CARMIL1: variants seen among roughly 807,000 people sequenced by gnomAD.
CARMIL1 encodes the protein F-actin-uncapping protein LRRC16A.
Under a neutral mutation model 177.1 loss-of-function variants are expected in CARMIL1, and 90 were observed. That is an observed-to-expected ratio of 0.51 (90% CI 0.43 to 0.61). The LOEUF (loss-of-function observed/expected upper bound fraction) is 0.61, where lower values mean the gene tolerates loss of function less well. Among genes scored for constraint, CARMIL1 ranks in the 20% least tolerant of loss-of-function variants. The pLI, the probability that CARMIL1 is intolerant of heterozygous loss-of-function variation, is 0.00. For missense variants in CARMIL1, 1,380 were observed against 1,667.0 expected, an observed-to-expected ratio of 0.83 and a Z score of 3.00; for synonymous variants, 577 against 606.2, an observed-to-expected ratio of 0.95 and a Z score of 0.71.
intron 2 of CARMIL1, among the ~76,000 whole-genome samples, chr6:25,332,346 G>C (rs1243827288): frequency 6.6e-6 from 1 of 152,118 alleles, no homozygotes; most frequent in East Asian, 1.9e-4. Flanking sequence ...GAATAAGATG[G>C]GTAGGCAAAA....
At chr6:25,453,664 A>G (rs1799213543) in intron 8 of CARMIL1, among the ~76,000 whole-genome samples, 2 of 152,226 alleles carry the variant, frequency 1.3e-5, no homozygotes, top group African/African-American at 4.8e-5. Context: ...GCTTGTGCTC[A>G]GGTGCTAGCA....
At chr6:25,548,397 G>A (rs1809734854) in intron 26 of CARMIL1, among the ~76,000 whole-genome samples, 1 of 152,088 alleles carries the variant, frequency 6.6e-6, no homozygotes, top group Non-Finnish European at 1.5e-5. Flanking sequence ...AGTGGGGAGG[G>A]GAGGACAATA....
Position 25,604,912 on chromosome 6 carries a change from A to G in CARMIL1, c.3634+19A>G, listed in dbSNP as rs773289704. ...GGGGCAGGTAAGTCAGGCCATTGCC[A>G]TCACCCCCTTAGGAAAAGCGCTTAC... On this transcript the variant is annotated intron_variant, in intron 34 of 36. Coordinates refer to ENST00000329474, the MANE Select transcript of CARMIL1 (RefSeq NM_017640.6). 1.3e-6 allele frequency: 2 copies of G among 1,570,404 alleles called. No homozygotes were observed. Among genetic ancestry groups the G allele is most frequent in the Non-Finnish European group, 1.7e-6 (2 of 1,157,470 alleles).
chr6:25,490,742 TAAATAAATAAAAAA>T, intron 13 of CARMIL1, among the ~76,000 whole-genome samples: 1 of 126,834 alleles, frequency 7.9e-6, no homozygotes, highest in East Asian at 2.0e-4. Flanking sequence ...AATAAATAAA[TAAATAAATAAAAAA>T]AAATAAATGT....
chr6:25,603,954 AAAT>A (rs1815681630), intron 33 of CARMIL1, among the ~76,000 whole-genome samples: 1 of 152,078 alleles, frequency 6.6e-6, no homozygotes, highest in Admixed American at 6.5e-5. Context: ...TTTACCTCCT[AAAT>A]AATAGATCTG....
intron 35 of CARMIL1, among the ~76,000 whole-genome samples, chr6:25,607,258 CAT>C (rs957928471): frequency 1.3e-5 from 2 of 151,322 alleles, no homozygotes; most frequent in African/African-American, 4.9e-5. Flanking sequence ...AATTTTCAAA[CAT>C]ATACAAAAGT....
At chr6:25,310,664 A>C (rs1267210323) in intron 2 of CARMIL1, among the ~76,000 whole-genome samples, 1 of 152,214 alleles carries the variant, frequency 6.6e-6, no homozygotes, top group Non-Finnish European at 1.5e-5. Flanking sequence ...TGGAGCTTTA[A>C]ATATGGTTCC....
intron 5 of CARMIL1, among the ~76,000 whole-genome samples, chr6:25,448,386 A>T (rs879739968): frequency 6.6e-6 from 1 of 152,102 alleles, no homozygotes; most frequent in Non-Finnish European, 1.5e-5. Flanking sequence ...ATTTTGAACT[A>T]GATTGAATTT....
chr6:25,539,612 C>T (rs565386351), intron 25 of CARMIL1, among the ~76,000 whole-genome samples: 15 of 101,784 alleles, frequency 1.5e-4, no homozygotes, highest in African/African-American at 5.3e-4. Flanking sequence ...GCAACAAGAG[C>T]GAAACTCCAT....
chr6:25,347,392 A>G (rs1012833046), intron 2 of CARMIL1, among the ~76,000 whole-genome samples: 5 of 152,220 alleles, frequency 3.3e-5, no homozygotes, highest in African/African-American at 1.2e-4. Flanking sequence ...GCATGTAACT[A>G]TAAAGCAAAG....
chr6:25,347,911 A>G (rs1787696022), intron 2 of CARMIL1, among the ~76,000 whole-genome samples: 1 of 152,192 alleles, frequency 6.6e-6, no homozygotes, highest in Non-Finnish European at 1.5e-5. Flanking sequence ...TCAAACTTAC[A>G]TGGATAGAGA....
At chr6:25,543,596 G>A (rs932749087) in intron 26 of CARMIL1, among the ~76,000 whole-genome samples, 8 of 152,078 alleles carry the variant, frequency 5.3e-5, no homozygotes, top group African/African-American at 1.9e-4. Context: ...GGGTATTTGT[G>A]TTGGCCTAGG....
chr6:25,541,635 G>GA (rs1808909222), intron 26 of CARMIL1, among the ~76,000 whole-genome samples: 1 of 151,990 alleles, frequency 6.6e-6, no homozygotes, highest in Admixed American at 6.6e-5. Context: ...AATGTAATGG[G>GA]AAAAAAATTT....
chr6:25,290,993 T>G (rs893957241), intron 2 of CARMIL1, among the ~76,000 whole-genome samples: 2 of 152,286 alleles, frequency 1.3e-5, no homozygotes, highest in South Asian at 4.2e-4. Context: ...AATTAATTTT[T>G]TTTAGAGACA....
At position 25,554,020 on chromosome 6, in the gene CARMIL1, T is replaced by G; in HGVS notation, c.2516T>G (p.Leu839Trp). 6.3e-7 allele frequency: 1 copy of G among 1,597,540 alleles called. No individual in the cohort carries two copies. The highest frequency in any genetic ancestry group is 1.1e-5 in the South Asian group (1 of 87,736). The change falls in exon 28 of 37, where the codon TTG becomes TGG. Residue 839 changes from leucine (L) to tryptophan (W), a missense_variant. By Grantham distance (61) the Leu-to-Trp change is moderately conservative. Transcript: ENST00000329474. This position sits in a 1 kb window ranked among gnomAD's most constrained non-coding sequence, Gnocchi z 4.6. The part of the protein sequence containing the change: ...DILNKISEVK[L>W]TVASFLSDRI... ...TGATTTTCACACAGTGAAGTAAAAT[T>G]GACAGTGGCCTCGTTCCTGTCTGAT...
intron 5 of CARMIL1, among the ~76,000 whole-genome samples, chr6:25,442,316 T>C (rs1352153386): frequency 1.3e-5 from 2 of 151,528 alleles, no homozygotes; most frequent in Non-Finnish European, 2.9e-5. Flanking sequence ...TTTAAATGCA[T>C]ATAATGCAAA....
In CARMIL1 at chr6:25,284,798, C is replaced by CTTT; in HGVS notation, c.41-6_41-4dup. 3.3e-6 allele frequency: 4 copies of CTTT among 1,228,078 alleles called. No homozygotes were observed. The highest frequency in any genetic ancestry group is 1.5e-5 in the South Asian group (1 of 67,594). 76.1% of individuals were successfully genotyped at this position (1,228,078 alleles called of 1,614,324 possible). On this transcript the variant is annotated splice_polypyrimidine_tract_variant and intron_variant, in intron 1 of 36. Coordinates refer to ENST00000329474, the MANE Select transcript of CARMIL1 (RefSeq NM_017640.6). ...TTTTTTCTTATTAATAACATAATTC[C>CTTT]TTTTTTTTTTCAGAAAGCATAAAGG... is the stretch of plus-strand genomic sequence containing the variant.
intron 3 of CARMIL1, among the ~76,000 whole-genome samples, chr6:25,424,971 T>G: frequency 6.6e-6 from 1 of 152,180 alleles, no homozygotes; most frequent in South Asian, 2.1e-4. Flanking sequence ...GAATGAATAT[T>G]TATTCATAAA....
chr6:25,611,887 G>A (rs773364112), intron 36 of CARMIL1, among the ~76,000 whole-genome samples: 15 of 152,170 alleles, frequency 9.9e-5, no homozygotes, highest in Non-Finnish European at 1.6e-4. Flanking sequence ...CTTAGCTGCC[G>A]TGAAAAAGTT....
Sources: allele counts gnomAD v4.1 joint callset (sites outside exome capture counted in the v4.1 genomes callset), GRCh38; gene constraint gnomAD v4.1.1; non-coding constraint Gnocchi (gnomAD v3.1); transcripts MANE v1.5; gene names NCBI Gene and HGNC (gene_info 2026-07-23, HGNC 2026-07-21).